The following FAM227B variants were observed in gnomAD, a reference collection of about 807,000 sequenced individuals.
FAM227B encodes the protein protein FAM227B.
In FAM227B, 88 loss-of-function variants were observed where a neutral mutation model predicts 73.8. The ratio of observed to expected loss-of-function variants is 1.19; its 90% confidence interval spans 1.00 to 1.42. The LOEUF is 1.42. Ranked by LOEUF, FAM227B falls within the 40% of genes most tolerant of loss-of-function variation. FAM227B has a pLI of 0.00. For missense variants in FAM227B, 632 were observed against 590.9 expected (o/e 1.07, Z -0.72); for synonymous variants, 210 against 190.5 (o/e 1.10, Z -0.84).
chr15:49,581,941 C>T (rs34980263), intron 5 of FAM227B, among the ~76,000 whole-genome samples: 7,961 of 152,248 alleles, frequency 0.052, 359 homozygotes, highest in East Asian at 0.23. Context: ...CTACGCAAGG[C>T]CATCTTGCCC....
intron 11 of FAM227B, among the ~76,000 whole-genome samples, chr15:49,392,475 G>T (rs1398648837): frequency 1.3e-5 from 2 of 152,134 alleles, no homozygotes; most frequent in African/African-American, 4.8e-5. Flanking sequence ...GATTAGATTT[G>T]CATGGGTTCA....
intron 11 of FAM227B, among the ~76,000 whole-genome samples, chr15:49,428,741 T>A (rs1025093028): frequency 2.8e-4 from 42 of 152,006 alleles, no homozygotes; most frequent in Admixed American, 2.1e-3. Flanking sequence ...ATAGTCAATA[T>A]CATCTACTCC....
chr15:49,367,662 A>C, intron 12 of FAM227B, 54 bp from the exon 13 acceptor site: 1 of 1,463,196 alleles, frequency 6.8e-7, no homozygotes, highest in Non-Finnish European at 9.2e-7. Flanking sequence ...TTTCTAAAAA[A>C]CTGTGAATAA....
At position 49,620,757 on chromosome 15, in the gene FAM227B, CA is replaced by C. The variant is rs2078655914; in HGVS notation, c.-131del. On this transcript the variant is annotated 5_prime_UTR_variant, in exon 1 of 16. Coordinates refer to ENST00000299338, the MANE Select transcript of FAM227B (RefSeq NM_152647.3). ...CCGCTTCCCAATTTTGTTGTCCCAG[CA>C]AGAATCGGGAGGAAACTGGGTGAAA... 1.3e-5 allele frequency: 2 copies of C among 152,252 alleles called. No homozygotes were observed. The highest frequency in any genetic ancestry group is 1.3e-4 in the Admixed American group (2 of 15,294). 9.4% of individuals were successfully genotyped at this position (152,252 alleles called of 1,614,324 possible). A position where few individuals can be genotyped will look rare whatever the true frequency, so the allele number is the denominator to read the frequency against.
At chr15:49,431,785 A>C (rs147979147) in intron 11 of FAM227B, among the ~76,000 whole-genome samples, 5 of 151,926 alleles carry the variant, frequency 3.3e-5, no homozygotes, top group African/African-American at 1.2e-4. Context: ...ACTTAAAATG[A>C]AGCAAAGTTT....
intron 11 of FAM227B, among the ~76,000 whole-genome samples, chr15:49,396,953 A>G (rs2047718144): frequency 6.6e-6 from 1 of 152,228 alleles, no homozygotes; most frequent in African/African-American, 2.4e-5. Context: ...TCCTCCTTCA[A>G]AGGAACGCAG....
intron 11 of FAM227B, among the ~76,000 whole-genome samples, chr15:49,454,331 T>A (rs1209178803): frequency 6.6e-6 from 1 of 152,156 alleles, no homozygotes; most frequent in Admixed American, 6.6e-5. Context: ...CTTTCCAGTT[T>A]AATTCCAGAA....
chr15:49,365,218 G>C (rs776944655), intron 13 of FAM227B: 56 of 963,296 alleles, frequency 5.8e-5, no homozygotes, highest in Non-Finnish European at 8.5e-5. Context: ...TACCTTTCCA[G>C]AACTTTTTCA....
At chr15:49,433,226 T>C (rs2050772547) in intron 11 of FAM227B, among the ~76,000 whole-genome samples, 1 of 151,704 alleles carries the variant, frequency 6.6e-6, no homozygotes, top group Admixed American at 6.6e-5. Context: ...CCCAATTGCT[T>C]TTCTACCTGT....
chr15:49,397,377 G>A (rs1179390974), intron 11 of FAM227B, among the ~76,000 whole-genome samples: 1 of 152,160 alleles, frequency 6.6e-6, no homozygotes, highest in Non-Finnish European at 1.5e-5. Flanking sequence ...TCTGACTGGT[G>A]TACCTGAAAG....
chr15:49,394,387 C>A (rs1333125018), intron 11 of FAM227B, among the ~76,000 whole-genome samples: 1 of 151,956 alleles, frequency 6.6e-6, no homozygotes, highest in Non-Finnish European at 1.5e-5. Context: ...AAGTAGAAAA[C>A]AAAGTCACCA....
At chr15:49,513,739 T>C (rs1003478975) in intron 10 of FAM227B, among the ~76,000 whole-genome samples, 1 of 152,234 alleles carries the variant, frequency 6.6e-6, no homozygotes, top group African/African-American at 2.4e-5. Context: ...GGTTTTATGT[T>C]TAAGTCTTTA....
At chr15:49,557,669 G>A (rs1384738923) in intron 9 of FAM227B, among the ~76,000 whole-genome samples, 1 of 152,180 alleles carries the variant, frequency 6.6e-6, no homozygotes, top group Non-Finnish European at 1.5e-5. Flanking sequence ...AGTGGGGGAA[G>A]CTCCCTCACG....
intron 10 of FAM227B, among the ~76,000 whole-genome samples, chr15:49,536,065 A>G (rs1048250639): frequency 7.2e-4 from 67 of 92,674 alleles, no homozygotes; most frequent in Admixed American, 1.4e-4. Flanking sequence ...TAGCAAGGGC[A>G]ATCAGACAAA....
intron 9 of FAM227B, among the ~76,000 whole-genome samples, chr15:49,559,287 G>A (rs964898015): frequency 5.3e-5 from 8 of 152,134 alleles, no homozygotes; most frequent in African/African-American, 1.9e-4. Flanking sequence ...AGGTGCCTGT[G>A]CTTGCCATTT....
intron 11 of FAM227B, among the ~76,000 whole-genome samples, chr15:49,426,732 A>T (rs575464614): frequency 4.9e-4 from 74 of 152,086 alleles, no homozygotes; most frequent in African/African-American, 1.7e-3. Flanking sequence ...AGAAAAAAAA[A>T]GGAAGTCGCC....
At chr15:49,402,488 T>C (rs2048235674) in intron 11 of FAM227B, among the ~76,000 whole-genome samples, 1 of 152,216 alleles carries the variant, frequency 6.6e-6, no homozygotes, top group Non-Finnish European at 1.5e-5. Flanking sequence ...GAAAAGGTCC[T>C]TCACTTCCCT....
intron 11 of FAM227B, among the ~76,000 whole-genome samples, chr15:49,467,477 GGT>G (rs2054370656): frequency 6.6e-6 from 1 of 151,968 alleles, no homozygotes; most frequent in Non-Finnish European, 1.5e-5. Flanking sequence ...ATGAAAATCT[GGT>G]TTCCTGCTGA....
chr15:49,363,794 G>C (rs1375662509), intron 13 of FAM227B, among the ~76,000 whole-genome samples: 2 of 152,064 alleles, frequency 1.3e-5, no homozygotes, highest in African/African-American at 4.8e-5. Context: ...TTCCTTCAAT[G>C]TCTAGTTTGT....
Sources: gnomAD v4.1 joint callset for allele counts (sites outside exome capture counted in the v4.1 genomes callset) on GRCh38, gnomAD v4.1.1 for gene constraint, MANE v1.5 for transcripts, NCBI Gene and HGNC (gene_info 2026-07-23, HGNC 2026-07-21) for gene names.